Variants in CRISP2 observed in about 807,000 individuals in gnomAD.
The protein encoded by CRISP2 is cysteine rich secretory protein 2.
Under a neutral mutation model 31.7 loss-of-function variants are expected in CRISP2, and 29 were observed. The observed-to-expected ratio is 0.92, with a 90% confidence interval of 0.68 to 1.25. The LOEUF is 1.25. Among genes scored for constraint, CRISP2 ranks in the 50% most tolerant of loss-of-function variants. The probability of loss-of-function intolerance (pLI) is 0.00; values close to 1 mark genes in which losing one functional copy is unlikely to be tolerated. For synonymous variants in CRISP2, 111 were observed against 101.4 expected, an observed-to-expected ratio of 1.09 and a Z score of -0.57; for missense variants, 318 against 286.5, an observed-to-expected ratio of 1.11 and a Z score of -0.79.
rs1321705257 is a variant in CRISP2 at position 49,692,834 on chromosome 6, TCACAGC to T, written c.665_670del (p.Gly222_Cys223del). 1 of 1,613,858 alleles carries T rather than the reference TCACAGC, an allele frequency of 6.2e-7. No homozygotes were observed. Among genetic ancestry groups the T allele is most frequent in the Admixed American group, 1.7e-5 (1 of 60,006 alleles). ...GCACTTTTCCTTGAGTAACTCATGTTCACAGCCAGCTGTATTCTTCAAGGAATCACA... is the reference window on the plus strand; with the variant it reads ...GCACTTTTCCTTGAGTAACTCATGTTCAGCTGTATTCTTCAAGGAATCACA... On this transcript the variant is annotated inframe_deletion, in exon 10 of 10. Transcript: ENST00000339139.
At position 49,694,797 on chromosome 6, in the gene CRISP2, G is replaced by A. The variant is rs1229176554; in HGVS notation, c.604+1039C>T. 6.7e-5 allele frequency among the ~76,000 whole-genome samples: 10 copies of A among 148,778 alleles called. No individual in the cohort carries two copies. In the South Asian group the frequency reaches 1.3e-3, roughly 19 times the overall value. ...TTGCCCTGGCTGGAGTGCAGTGGCC[G>A]AACTCGGCTCACTGCAATCTCCGCC... On this transcript the variant is annotated intron_variant, in intron 9 of 9. Coordinates refer to ENST00000339139, the MANE Select transcript of CRISP2 (RefSeq NM_003296.4).
chr6:49,692,843 G>C lies in CRISP2; in HGVS notation c.662C>G (p.Ala221Gly), dbSNP rs756118867. ...LSNCDSLKNT[A>G]GCEHELLKEK... The stretch of plus-strand genomic sequence containing the variant: ...CTTGAGTAACTCATGTTCACAGCCA[G>C]CTGTATTCTTCAAGGAATCACAGTT... Residue 221 changes from alanine to glycine, a missense_variant, in exon 10 of 10, where the codon GCT becomes GGT. Transcript: ENST00000339139. The C allele has an allele frequency of 3.1e-6, 5 of 1,613,758 alleles. No homozygotes were observed. The highest frequency in any genetic ancestry group is 1.1e-5 in the South Asian group (1 of 91,070).
chr6:49,690,692 T>C (rs1764021221), downstream of CRISP2, among the ~76,000 whole-genome samples: 1 of 152,076 alleles, frequency 6.6e-6, no homozygotes, highest in African/African-American at 2.4e-5. Context: ...TGAAGACATT[T>C]TACTTTAGAT....
At chr6:49,696,335 G>A (rs903077286) in intron 8 of CRISP2, among the ~76,000 whole-genome samples, 14 of 152,176 alleles carry the variant, frequency 9.2e-5, no homozygotes, top group African/African-American at 3.4e-4. Flanking sequence ...AAATGAATAT[G>A]CAATGTTAAA....
At chr6:49,684,819 T>C in the CRISP2 span, among the ~76,000 whole-genome samples, 2 of 152,228 alleles carry the variant, frequency 1.3e-5, no homozygotes, top group African/African-American at 4.8e-5. Context: ...CACACTTATA[T>C]AGTTTTCCCC....
the CRISP2 span, among the ~76,000 whole-genome samples, chr6:49,684,327 C>A: frequency 6.6e-6 from 1 of 152,166 alleles, no homozygotes; most frequent in Non-Finnish European, 1.5e-5. Context: ...AAATCCTATA[C>A]AAACAATTGT....
In CRISP2 at chr6:49,700,661, C is replaced by G. The variant is rs568339706; in HGVS notation, c.183+7G>C. ...CACACCCATCTCCTTACAGCACTGCCTCTTACCATCTTTAGCATGTTACTG... is the reference window on the plus strand; with the variant it reads ...CACACCCATCTCCTTACAGCACTGCGTCTTACCATCTTTAGCATGTTACTG... On this transcript the variant is annotated splice_region_variant and intron_variant, in intron 5 of 9. Coordinates refer to ENST00000339139, the MANE Select transcript of CRISP2 (RefSeq NM_003296.4). 6.4e-7 allele frequency: 1 copy of G among 1,565,228 alleles called. No individual in the cohort carries two copies. The highest frequency in any genetic ancestry group is 2.2e-5 in the East Asian group (1 of 44,564).
At chr6:49,688,670 C>A (rs960593024), downstream of CRISP2, among the ~76,000 whole-genome samples, 1 of 152,042 alleles carries the variant, frequency 6.6e-6, no homozygotes, top group Non-Finnish European at 1.5e-5. Context: ...ATGCTGAGAG[C>A]CTCTTTCCAA....
At chr6:49,704,058 C>T (rs1161039719) in intron 4 of CRISP2, among the ~76,000 whole-genome samples, 4 of 151,964 alleles carry the variant, frequency 2.6e-5, no homozygotes, top group African/African-American at 9.7e-5. Flanking sequence ...TTCTTTTTAT[C>T]ATTTTTTTGT....
At chr6:49,697,335 G>A (rs1764936707) in intron 8 of CRISP2, among the ~76,000 whole-genome samples, 1 of 152,004 alleles carries the variant, frequency 6.6e-6, no homozygotes, top group Non-Finnish European at 1.5e-5. Flanking sequence ...TCTGTATTCT[G>A]AAATAAAGAT....
chr6:49,706,059 C>T (rs1766964333), intron 4 of CRISP2, among the ~76,000 whole-genome samples: 1 of 152,164 alleles, frequency 6.6e-6, no homozygotes, highest in East Asian at 1.9e-4. Context: ...CTCCTATCTG[C>T]CATTTCCCCC....
intron 4 of CRISP2, among the ~76,000 whole-genome samples, chr6:49,701,659 A>G (rs1191073826): frequency 7.9e-6 from 1 of 126,844 alleles, no homozygotes; most frequent in Non-Finnish European, 1.6e-5. Flanking sequence ...TATACATTAT[A>G]TATGTATACA....
the CRISP2 span, among the ~76,000 whole-genome samples, chr6:49,679,679 C>T: frequency 9.9e-6 from 1 of 101,156 alleles, no homozygotes; most frequent in Non-Finnish European, 1.9e-5. Context: ...GTTTCTGATT[C>T]AGTGTTGTTG....
At chr6:49,677,867 T>G in the CRISP2 span, among the ~76,000 whole-genome samples, 5 of 152,168 alleles carry the variant, frequency 3.3e-5, no homozygotes, top group African/African-American at 4.8e-5. Context: ...AATATAATTA[T>G]AGTGGATACA....
chr6:49,690,194 C>T (rs1764005980), downstream of CRISP2, among the ~76,000 whole-genome samples: 1 of 152,108 alleles, frequency 6.6e-6, no homozygotes. Context: ...CATCTCCATT[C>T]ATGTGGTAAA....
chr6:49,702,268 T>C (rs1766214237), intron 4 of CRISP2, among the ~76,000 whole-genome samples: 1 of 148,054 alleles, frequency 6.8e-6, no homozygotes, highest in Admixed American at 6.9e-5. Context: ...GCTATAAACA[T>C]GCGTGTGCAA....
chr6:49,687,149 A>T, the CRISP2 span, among the ~76,000 whole-genome samples: 1 of 152,164 alleles, frequency 6.6e-6, no homozygotes, highest in Non-Finnish European at 1.5e-5. Context: ...ACATGTATAC[A>T]TATGTAACAA....
In CRISP2 at chr6:49,697,943, C is replaced by T. The variant is rs773760372; in HGVS notation, c.432G>A (p.Ser144=). Residue 144 remains serine, a synonymous_variant, in exon 8 of 10, where the codon TCG becomes TCA. Coordinates refer to ENST00000339139, the MANE Select transcript of CRISP2 (RefSeq NM_003296.4). Reference sequence around the variant, plus strand: ...CAATTCCACAGCCTACCTGGTAAGTCGAGTACCAAACAAGCTGCAAATTAA... The same window carrying T: ...CAATTCCACAGCCTACCTGGTAAGTTGAGTACCAAACAAGCTGCAAATTAA... ...VGHYTQLVWY[S]TYQVGCGIAY... is the part of the protein sequence containing the mutation. The T allele has an allele frequency of 6.3e-6, 10 of 1,597,682 alleles. No homozygotes were observed. The highest frequency in any genetic ancestry group is 5.4e-5 in the African/African-American group (4 of 73,904).
intron 5 of CRISP2, among the ~76,000 whole-genome samples, chr6:49,700,128 T>C (rs991086348): frequency 6.6e-6 from 1 of 152,204 alleles, no homozygotes; most frequent in African/African-American, 2.4e-5. Flanking sequence ...TTATTTATGA[T>C]AGCAAAGCAG....
Sources: allele counts gnomAD v4.1 joint callset (sites outside exome capture counted in the v4.1 genomes callset), GRCh38; gene constraint gnomAD v4.1.1; transcripts MANE v1.5; gene names NCBI Gene and HGNC (gene_info 2026-07-23, HGNC 2026-07-21).